STPG1: variants seen among roughly 807,000 people sequenced by gnomAD.
The protein encoded by STPG1 is sperm tail PG-rich repeat containing 1, also known as O(6)-methylguanine-induced apoptosis 2.
In STPG1, 33 loss-of-function variants were observed where a neutral mutation model predicts 40.1. The observed-to-expected ratio is 0.82, with a 90% CI of 0.62 to 1.10. STPG1 has a LOEUF of 1.10. STPG1 is among the 50% of genes least tolerant of loss of function. The pLI is 0.00. For missense variants in STPG1, 396 were observed against 415.1 expected (o/e 0.95, Z 0.40); for synonymous variants, 150 against 155.0 (o/e 0.97, Z 0.24).
chr1:24,380,391 G>A (rs1384122365), intron 4 of STPG1, among the ~76,000 whole-genome samples: 2 of 152,108 alleles, frequency 1.3e-5, no homozygotes, highest in African/African-American at 2.4e-5. Context: ...AGGAAGCCAC[G>A]ATAAATTATC....
In STPG1 at chr1:24,357,046, G is replaced by T. The variant is rs565296940; in HGVS notation, c.*1497C>A. The T allele has an allele frequency of 3.4e-5, 4 of 117,314 alleles. No individual in the cohort carries two copies. The highest frequency in any genetic ancestry group is 8.4e-5 in the Admixed American group (1 of 11,976). 7.3% of individuals were successfully genotyped at this position (117,314 alleles called of 1,614,324 possible). On this transcript the variant is annotated 3_prime_UTR_variant, in exon 9 of 9. Transcript: ENST00000337248. ...TTAATGCAATATTTTTAAAATTAAG[G>T]CCCCCCCCCCCAAAAAAAAAATCCA... is the stretch of plus-strand genomic sequence containing the variant.
intron 2 of STPG1, among the ~76,000 whole-genome samples, chr1:24,397,884 C>T (rs1199262133): frequency 6.6e-6 from 1 of 152,078 alleles, no homozygotes; most frequent in East Asian, 1.9e-4. Context: ...GGGGGCATTA[C>T]AAATAAAACT....
rs751484558 is a variant in STPG1 at position 24,379,778 on chromosome 1, C to T, written c.337G>A (p.Ala113Thr). Residue 113 changes from alanine (A) to threonine (T), a missense_variant, in exon 5 of 9, where the codon GCA (alanine) becomes ACA (threonine). Ala to Thr is a moderately conservative substitution (Grantham distance 58, BLOSUM62 0). Coordinates refer to ENST00000337248, the MANE Select transcript of STPG1 (RefSeq NM_001199013.2). ...ATAAAATCCGATGGGATAGTGTATG[C>T]ATTCGCTGCAGGGTATTTAGAAATG... ...TIISKYPAAN[A>T]YTIPSDFISK... The T allele has an allele frequency of 5.6e-6, 9 of 1,613,966 alleles. No individual in the cohort carries two copies. Among genetic ancestry groups the T allele is most frequent in the East Asian group, 2.2e-5 (1 of 44,902 alleles).
intron 8 of STPG1, 119 bp downstream of exon 8, chr1:24,360,732 C>G: frequency 1.1e-6 from 1 of 890,840 alleles, no homozygotes; most frequent in Non-Finnish European, 1.7e-6. Context: ...CCAAATCTAC[C>G]CTCATCCCTG....
intron 1 of STPG1, among the ~76,000 whole-genome samples, chr1:24,402,202 C>T (rs1334733034): frequency 1.3e-5 from 2 of 152,198 alleles, no homozygotes; most frequent in African/African-American, 2.4e-5. Context: ...ACAATTGTTG[C>T]CTTTCTAGAA....
chr1:24,366,237 C>T (rs752389951), intron 7 of STPG1, among the ~76,000 whole-genome samples: 2 of 152,146 alleles, frequency 1.3e-5, no homozygotes, highest in Non-Finnish European at 2.9e-5. Flanking sequence ...GGCAAGTCAC[C>T]GCCGCTCCAC....
At chr1:24,391,845 A>C in intron 2 of STPG1, 166 bp from the exon 3 acceptor site, 1 of 1,326,456 alleles carries the variant, frequency 7.5e-7, no homozygotes, top group Non-Finnish European at 9.7e-7. Flanking sequence ...AAAATTCCCC[A>C]CTTTCTTTCC....
chr1:24,396,193 C>G (rs747204780), intron 2 of STPG1, among the ~76,000 whole-genome samples: 2 of 152,112 alleles, frequency 1.3e-5, no homozygotes, highest in African/African-American at 4.8e-5. Flanking sequence ...ACTATAAACT[C>G]TAAAGTATGT....
intron 1 of STPG1, among the ~76,000 whole-genome samples, chr1:24,405,926 G>A (rs1643398328): frequency 4.0e-5 from 6 of 151,466 alleles, no homozygotes; most frequent in Admixed American, 2.6e-4. Context: ...TTTAATTATT[G>A]AGTTTTCTTC....
chr1:24,401,196 G>T, intron 2 of STPG1, 123 bp downstream of exon 2: 1 of 718,668 alleles, frequency 1.4e-6, no homozygotes. Flanking sequence ...CACCTATTTG[G>T]TATGCCTGTA....
chr1:24,373,335 G>A (rs1641841637), intron 6 of STPG1, among the ~76,000 whole-genome samples: 1 of 152,162 alleles, frequency 6.6e-6, no homozygotes, highest in African/African-American at 2.4e-5. Context: ...CAGGATGTAT[G>A]GTCATGCCCT....
At position 24,360,865 on chromosome 1, in the gene STPG1, C is replaced by T; in HGVS notation, c.914G>A (p.Gly305Asp). Residue 305 changes from glycine (G) to aspartate (D), a missense_variant, in exon 8 of 9, where the codon GGC (glycine) becomes GAC (aspartate). By Grantham distance (94) the Gly-to-Asp change is moderately conservative (BLOSUM62 -1). Coordinates refer to ENST00000337248, the MANE Select transcript of STPG1 (RefSeq NM_001199013.2). ...SRWTAAPPQPGLPGPATYKPE... is the reference protein window; with the variant it reads ...SRWTAAPPQPDLPGPATYKPE... ...AATCCTCTGACCTGGGCCAGGCAGG[C>T]CTGGCTGAGGCGGCGCCGCTGTCCA... The T allele has an allele frequency of 6.2e-7, 1 of 1,612,612 alleles. No homozygotes were observed. Among genetic ancestry groups the T allele is most frequent in the South Asian group, 1.1e-5 (1 of 90,690 alleles).
intron 3 of STPG1, among the ~76,000 whole-genome samples, chr1:24,384,528 C>CA (rs561494891): frequency 6.6e-6 from 1 of 152,200 alleles, no homozygotes; most frequent in Non-Finnish European, 1.5e-5. Context: ...TTCTAACTCT[C>CA]AGACAAAAAG....
intron 1 of STPG1, among the ~76,000 whole-genome samples, chr1:24,406,203 T>C (rs1474749313): frequency 2.0e-5 from 3 of 152,118 alleles, no homozygotes; most frequent in Non-Finnish European, 4.4e-5. Flanking sequence ...TTCTGACATA[T>C]TAGCTATACT....
At chr1:24,408,714 C>T (rs1643502720) in intron 1 of STPG1, among the ~76,000 whole-genome samples, 1 of 152,168 alleles carries the variant, frequency 6.6e-6, no homozygotes, top group South Asian at 2.1e-4. Context: ...AGCAAGGGCA[C>T]AATTTAATTT....
intron 1 of STPG1, among the ~76,000 whole-genome samples, chr1:24,401,805 C>T (rs1168472272): frequency 6.6e-6 from 1 of 152,122 alleles, no homozygotes; most frequent in African/African-American, 2.4e-5. Flanking sequence ...AAGTGATTCT[C>T]CTGCCTTAGC....
At chr1:24,371,218 G>C (rs1378884874) in intron 6 of STPG1, among the ~76,000 whole-genome samples, 2 of 151,990 alleles carry the variant, frequency 1.3e-5, no homozygotes, top group Non-Finnish European at 2.9e-5. Context: ...TTAATTTATG[G>C]TACTATCATA....
chr1:24,390,716 G>T (rs1312719197), intron 3 of STPG1, among the ~76,000 whole-genome samples: 1 of 151,720 alleles, frequency 6.6e-6, no homozygotes, highest in Non-Finnish European at 1.5e-5. Flanking sequence ...ACTGCACCCG[G>T]CTAATAACAC....
chr1:24,398,554 A>G (rs1643096298), intron 2 of STPG1, among the ~76,000 whole-genome samples: 2 of 152,146 alleles, frequency 1.3e-5, no homozygotes, highest in Non-Finnish European at 1.5e-5. Flanking sequence ...AGGAAGAAAT[A>G]AAGTTGTCAT....
Sources: allele counts gnomAD v4.1 joint callset (sites outside exome capture counted in the v4.1 genomes callset), GRCh38; gene constraint gnomAD v4.1.1; transcripts MANE v1.5; gene names NCBI Gene and HGNC (gene_info 2026-07-23, HGNC 2026-07-21).